Variants in MYH15 observed in about 807,000 individuals in gnomAD.
MYH15 encodes the protein myosin-15.
A neutral mutation model predicts 240.5 loss-of-function variants in MYH15; 227 were observed. The ratio of observed to expected loss-of-function variants is 0.94; its 90% confidence interval spans 0.85 to 1.05. MYH15 has a LOEUF of 1.05. Ranked by LOEUF, MYH15 falls within the 50% of genes least tolerant of loss-of-function variation. The pLI is 0.00. For synonymous variants in MYH15, 785 were observed against 796.7 expected (o/e 0.99, Z 0.25); for missense variants, 2,217 against 2,247.5 (o/e 0.99, Z 0.27).
rs1381236156 is a variant in MYH15, at chr3:108,408,297, T to A, written c.4603A>T (p.Thr1535Ser). 5 of 1,612,822 alleles carry A rather than the reference T, an allele frequency of 3.1e-6. No individual in the cohort carries two copies. The East Asian group carries it at 1.1e-4, about 36-fold the overall frequency. The change falls in exon 32 of 41, where the codon ACA becomes TCA. Residue 1535 changes from threonine (T) to serine (S), a missense_variant. Physicochemically the swap from Thr to Ser is moderately conservative, Grantham distance 58. Coordinates refer to ENST00000693548, the MANE Select transcript of MYH15 (RefSeq NM_014981.3). ...GATAATACCTCTGTTTCTTCCAGTG[T>A]CACCTGGACTTCTGTCTTCTCTTCT... ...IEEEKTEVQV[T>S]LEETEGALER...
At chr3:108,388,724 A>G in intron 38 of MYH15, among the ~76,000 whole-genome samples, 1 of 152,172 alleles carries the variant, frequency 6.6e-6, no homozygotes, top group East Asian at 1.9e-4. Context: ...GATGGTATAA[A>G]TAGCTTTTCA....
chr3:108,507,904 G>A (rs2083490395), intron 1 of MYH15, among the ~76,000 whole-genome samples: 1 of 152,292 alleles, frequency 6.6e-6, no homozygotes, highest in African/African-American at 2.4e-5. Context: ...TTTTGTGTGT[G>A]TGTTTAAGGT....
chr3:108,528,026 C>T (rs2083685830), intron 1 of MYH15, among the ~76,000 whole-genome samples: 1 of 152,140 alleles, frequency 6.6e-6, no homozygotes, highest in African/African-American at 2.4e-5. Context: ...GGGAACTCAA[C>T]TTTTTGTAAG....
chr3:108,388,870 A>C, intron 38 of MYH15, 100 bp downstream of exon 38: 1 of 912,156 alleles, frequency 1.1e-6, no homozygotes, highest in Non-Finnish European at 1.7e-6. Context: ...AGATGAAGAG[A>C]GAACGGCAGG....
rs1335956517 is a variant in MYH15, at chr3:108,473,222, T to C, written c.1234-2375A>G. On this transcript the variant is annotated intron_variant, in intron 12 of 40. Transcript: ENST00000693548. ...CAAGGTTTCACCATGTTGGCCAGGC[T>C]GGTCTCAAACTCCTGACCTCAGGTG... Among the ~76,000 whole-genome samples the C allele has an allele frequency of 3.3e-5, 5 of 152,226 alleles. 1 individual carries two copies. The highest frequency in any genetic ancestry group is 1.3e-4 in the Admixed American group (2 of 15,282).
At chr3:108,491,656 G>A (rs923151705) in intron 9 of MYH15, among the ~76,000 whole-genome samples, 22 of 151,950 alleles carry the variant, frequency 1.4e-4, no homozygotes, top group Non-Finnish European at 2.8e-4. Flanking sequence ...CAGCTTAATC[G>A]TCCCAAACAC....
At chr3:108,453,462 C>T (rs1407348230) in intron 21 of MYH15, among the ~76,000 whole-genome samples, 2 of 152,176 alleles carry the variant, frequency 1.3e-5, no homozygotes, top group Admixed American at 1.3e-4. Flanking sequence ...TGCTAGCTTG[C>T]TTTTCATGAT....
At chr3:108,512,171 G>A (rs1245639814), upstream of MYH15, among the ~76,000 whole-genome samples, 1 of 152,154 alleles carries the variant, frequency 6.6e-6, no homozygotes, top group Non-Finnish European at 1.5e-5. Context: ...TTTTTCTGCG[G>A]GTGAGCATTC....
chr3:108,387,982 C>G (rs2082396440), intron 38 of MYH15, among the ~76,000 whole-genome samples: 1 of 152,176 alleles, frequency 6.6e-6, no homozygotes, highest in African/African-American at 2.4e-5. Flanking sequence ...TCAGGAGTAG[C>G]AGATCTTGCA....
chr3:108,545,913 T>C, the MYH15 span, among the ~76,000 whole-genome samples: 3 of 152,176 alleles, frequency 2.0e-5, no homozygotes, highest in Non-Finnish European at 2.9e-5. Context: ...ACTGTATAAA[T>C]TGTTTCCAAT....
chr3:108,544,984 C>A, the MYH15 span, among the ~76,000 whole-genome samples: 2 of 152,118 alleles, frequency 1.3e-5, no homozygotes, highest in African/African-American at 4.8e-5. Context: ...GCAAACTTTT[C>A]TTAACTACAT....
rs184669658 is a variant in MYH15, at chr3:108,396,727, T to C, written c.5133+1910A>G. On this transcript the variant is annotated intron_variant, in intron 35 of 40. Transcript: ENST00000693548. Reference sequence around the variant, plus strand: ...AATGTTTGAGTTAGCCTGTTGGGAATTATCTATAACCTACAGACTATTTGT... The same window carrying C: ...AATGTTTGAGTTAGCCTGTTGGGAACTATCTATAACCTACAGACTATTTGT... Among the ~76,000 whole-genome samples the C allele has an allele frequency of 3.0e-4, 46 of 152,354 alleles. No homozygotes were observed. In the East Asian group the frequency reaches 6.4e-3, roughly 21 times the overall value.
chr3:108,409,579 G>T (rs2082573222), intron 31 of MYH15, among the ~76,000 whole-genome samples: 1 of 152,202 alleles, frequency 6.6e-6, no homozygotes, highest in Non-Finnish European at 1.5e-5. Context: ...CTTGATCATA[G>T]ACTATGTAGG....
chr3:108,402,098 T>A (rs2082510066), intron 33 of MYH15, among the ~76,000 whole-genome samples: 1 of 150,906 alleles, frequency 6.6e-6, no homozygotes, highest in South Asian at 2.1e-4. Flanking sequence ...ATATTGCTAA[T>A]CTATGTATGA....
chr3:108,386,615 C>T (rs1285378275), intron 38 of MYH15, among the ~76,000 whole-genome samples: 1 of 151,832 alleles, frequency 6.6e-6, no homozygotes, highest in African/African-American at 2.4e-5. Context: ...GACGCTCTTC[C>T]CTTCTCCTCT....
At chr3:108,441,338 A>T in intron 22 of MYH15, 78 bp from the exon 23 acceptor site, 1 of 1,525,004 alleles carries the variant, frequency 6.6e-7, no homozygotes, top group South Asian at 1.2e-5. Flanking sequence ...CTTAACACAC[A>T]GCAAAGAGAT....
At chr3:108,482,400 A>G (rs753638202) in intron 11 of MYH15, among the ~76,000 whole-genome samples, 1 of 152,114 alleles carries the variant, frequency 6.6e-6, no homozygotes, top group Non-Finnish European at 1.5e-5. Context: ...CCAGCAAAGA[A>G]CCTGAGAAGA....
At chr3:108,550,424 C>T in the MYH15 span, 1 of 151,240 alleles carries the variant, frequency 6.6e-6, no homozygotes, top group African/African-American at 2.4e-5. Context: ...CACTATGCAA[C>T]ATTTGAAAAA....
chr3:108,455,859 C>T lies in MYH15; in HGVS notation c.2139G>A (p.Arg713=), dbSNP rs1267207763. Residue 713 remains arginine, a splice_region_variant and synonymous_variant, in exon 20 of 41, where the codon AGG becomes AGA. Coordinates refer to ENST00000693548, the MANE Select transcript of MYH15 (RefSeq NM_014981.3). The part of the protein sequence containing the change: ...NRLQYADFKQ[R]YCILNPRTFP... ...AGGTCCTTGGATTCAGAATGCAGTA[C>T]CTAATTTAAAATAAAGAAAAAATCA... 3 of 1,610,082 alleles carry T rather than the reference C, an allele frequency of 1.9e-6. No homozygotes were observed. Among genetic ancestry groups the T allele is most frequent in the Non-Finnish European group, 2.5e-6 (3 of 1,176,988 alleles).
Sources: allele counts gnomAD v4.1 joint callset (sites outside exome capture counted in the v4.1 genomes callset), GRCh38; gene constraint gnomAD v4.1.1; transcripts MANE v1.5; gene names NCBI Gene and HGNC (gene_info 2026-07-23, HGNC 2026-07-21).